PLK5: variants seen among roughly 807,000 people sequenced by gnomAD.
PLK5 encodes polo like kinase 5 (inactive), also known as inactive serine/threonine-protein kinase PLK5.
PLK5 carries 28 observed loss-of-function variants against 33.7 expected under a neutral mutation model. That is an observed-to-expected ratio of 0.83 (90% CI 0.62 to 1.14). PLK5 has a LOEUF of 1.14. Ranked by LOEUF, PLK5 falls within the 50% of genes most tolerant of loss-of-function variation. The pLI, the probability that PLK5 is intolerant of heterozygous loss-of-function variation, is 0.00. For synonymous variants in PLK5, 225 were observed against 202.2 expected (o/e 1.11, Z -0.96); for missense variants, 492 against 461.5 (o/e 1.07, Z -0.61).
chr19:1,535,370 G>A lies in PLK5; in HGVS notation c.*120G>A. 1 of 1,122,854 alleles carries A rather than the reference G, an allele frequency of 8.9e-7. No individual in the cohort carries two copies. Among genetic ancestry groups the A allele is most frequent in the Non-Finnish European group, 1.2e-6 (1 of 816,632 alleles). 69.6% of individuals were successfully genotyped at this position (1,122,854 alleles called of 1,614,324 possible). On this transcript the variant is annotated 3_prime_UTR_variant, in exon 14 of 14. Transcript: ENST00000454744. ...GGGAGGGCTGGGGGGCACACGGGAGGTGGGTTCTTGCCTTGTGGCATGACT... is the reference window on the plus strand; with the variant it reads ...GGGAGGGCTGGGGGGCACACGGGAGATGGGTTCTTGCCTTGTGGCATGACT...
chr19:1,529,366 G>A, intron 9 of PLK5, 40 bp from the exon 10 acceptor site: 2 of 1,500,996 alleles, frequency 1.3e-6, no homozygotes, highest in African/African-American at 1.4e-5. Flanking sequence ...CCCTGGGGCT[G>A]GGGCCGGGGC....
intron 11 of PLK5, among the ~76,000 whole-genome samples, chr19:1,531,290 TCCCAGCTA>T (rs1024380946): frequency 4.0e-5 from 6 of 151,390 alleles, no homozygotes; most frequent in African/African-American, 1.5e-4. Context: ...GTGCCTGTGA[TCCCAGCTA>T]CTCAGGAGGC....
intron 13 of PLK5, among the ~76,000 whole-genome samples, chr19:1,534,792 G>C (rs1264721044): frequency 7.3e-5 from 11 of 150,476 alleles, no homozygotes; most frequent in Non-Finnish European, 1.5e-4. Flanking sequence ...ACTCCAGCCT[G>C]GGTGACAGAG....
chr19:1,529,161 G>T (rs767326987), intron 9 of PLK5, 187 bp downstream of exon 9: 34 of 663,014 alleles, frequency 5.1e-5, no homozygotes, highest in Non-Finnish European at 7.6e-5. Flanking sequence ...TGCCCACCTG[G>T]GCTTTCCCAA....
chr19:1,526,244 C>T (rs1237804095), intron 3 of PLK5, among the ~76,000 whole-genome samples: 3 of 152,166 alleles, frequency 2.0e-5, no homozygotes, highest in Non-Finnish European at 4.4e-5. Flanking sequence ...CCGTGTTCAC[C>T]CTCAAGGTGG....
At chr19:1,528,215 AG>A (rs1205047210) in intron 7 of PLK5, 81 bp downstream of exon 7, 9 of 1,532,860 alleles carry the variant, frequency 5.9e-6, no homozygotes, top group African/African-American at 1.4e-5. Context: ...TGCTCAGCCG[AG>A]GGAGGCCCCG....
Position 1,526,728 on chromosome 19 carries a change from T to C in PLK5, c.-158T>C, listed in dbSNP as rs1361542733. The C allele has an allele frequency of 2.1e-5, 11 of 524,534 alleles. No individual in the cohort carries two copies. The highest frequency in any genetic ancestry group is 3.1e-5 in the Non-Finnish European group (9 of 290,124). The allele number at this position is 524,534 out of a possible 1,614,324, so 32.5% of individuals were successfully genotyped here. A position where few individuals can be genotyped will look rare whatever the true frequency, so the allele number is the denominator to read the frequency against. ...GGTAACTTCTTCCTTAACAAGAACA[T>C]GGAGGTGAAGATTGGAGACCTGGGA... On this transcript the variant is annotated 5_prime_UTR_variant, in exon 5 of 14. An upstream start codon of the reference 5' UTR is lost. Transcript: ENST00000454744.
At chr19:1,529,656 C>G (rs1913868664) in intron 10 of PLK5, 91 bp from the exon 11 acceptor site, 1 of 1,434,590 alleles carries the variant, frequency 7.0e-7, no homozygotes, top group Non-Finnish European at 9.5e-7. Flanking sequence ...ATGAGATGTT[C>G]CTGGATGGAG....
In PLK5 at chr19:1,527,747, A is replaced by G. The variant is rs1913781792; in HGVS notation, c.3-189A>G. 2.0e-5 allele frequency among the ~76,000 whole-genome samples: 3 copies of G among 148,314 alleles called. No homozygotes were observed. In the South Asian group the frequency reaches 6.3e-4, roughly 31 times the overall value. On this transcript the variant is annotated intron_variant, in intron 6 of 13. Coordinates refer to ENST00000454744, the MANE Select transcript of PLK5 (RefSeq NM_001243079.2). ...GGTGCCAGGTGCAGGCAGGGGATGG[A>G]CAGACGCTGGTGTCCACCAAGCAGC...
Position 1,534,431 on chromosome 19 carries a change from T to C in PLK5, c.825+390T>C, listed in dbSNP as rs185968283. On this transcript the variant is annotated intron_variant, in intron 13 of 13. Coordinates refer to ENST00000454744, the MANE Select transcript of PLK5 (RefSeq NM_001243079.2). The stretch of plus-strand genomic sequence containing the variant: ...CTGAGGCAGGAGAATCGCTTGAACC[T>C]GGCAGGCGGAGGTTGCAGTGAGCCG... Among the ~76,000 whole-genome samples the C allele has an allele frequency of 6.5e-4, 89 of 137,326 alleles. No individual in the cohort carries two copies. In the East Asian group the frequency reaches 0.018, roughly 28 times the overall value. The allele number at this position is 137,326 out of a possible 152,430, so 90.1% of individuals were successfully genotyped here.
chr19:1,534,088 G>T (rs757673558), intron 13 of PLK5, 47 bp downstream of exon 13: 2 of 1,439,446 alleles, frequency 1.4e-6, no homozygotes, highest in Admixed American at 2.0e-5. Context: ...GGCAGGGTGG[G>T]GTCTGGCCTG....
rs547281921 is a variant in PLK5, at chr19:1,524,138, G to T, written c.-652G>T. On this transcript the variant is annotated 5_prime_UTR_variant, in exon 1 of 14. Transcript: ENST00000454744. The surrounding 1 kb of genome is among the most constrained non-coding windows in gnomAD (Gnocchi z 4.5). ...GGCCCGGCTGCGCCAGAGTCCGCGC[G>T]ATGGAGCCCCGGCCGCGGCGGCGGC... 1.1e-3 allele frequency: 167 copies of T among 150,954 alleles called. No homozygotes were observed. Among genetic ancestry groups the T allele is most frequent in the African/African-American group, 3.7e-3 (152 of 41,418 alleles). The allele number at this position is 150,954 out of a possible 1,614,324, so 9.4% of individuals were successfully genotyped here.
chr19:1,532,741 C>T (rs988125058), intron 12 of PLK5, among the ~76,000 whole-genome samples: 22 of 151,864 alleles, frequency 1.4e-4, no homozygotes, highest in Non-Finnish European at 2.8e-4. Flanking sequence ...AGGCGGGTCT[C>T]GAACTCCTGA....
rs773689990 is a variant in PLK5 at position 1,529,823 on chromosome 19, G to T, written c.567G>T (p.Pro189=). Residue 189 remains proline, a splice_region_variant and synonymous_variant, in exon 11 of 14, where the codon CCG becomes CCT. Coordinates refer to ENST00000454744, the MANE Select transcript of PLK5 (RefSeq NM_001243079.2). ...AGCTGTGCCTGGATGTAGGCCCCCC[G>T]GGTAGGAGCCGGCCCAGCCCCCAGG... ...HLQLCLDVGP[P]ATQDPLGEQQ... 3 of 1,535,376 alleles carry T rather than the reference G, an allele frequency of 2.0e-6. No individual in the cohort carries two copies. Among genetic ancestry groups the T allele is most frequent in the Non-Finnish European group, 2.6e-6 (3 of 1,146,664 alleles).
intron 5 of PLK5, 34 bp from the exon 6 acceptor site, chr19:1,526,869 A>T: frequency 8.3e-7 from 1 of 1,201,348 alleles, no homozygotes; most frequent in South Asian, 1.3e-5. Flanking sequence ...CGGGGATCCC[A>T]GCCTTCCTGA....
In PLK5 at chr19:1,524,412, A is replaced by G. The variant is rs1913674320; in HGVS notation, c.-544+166A>G. 6.6e-6 allele frequency among the ~76,000 whole-genome samples: 1 copy of G among 152,042 alleles called. No individual in the cohort carries two copies. Among genetic ancestry groups the G allele is most frequent in the Non-Finnish European group, 1.5e-5 (1 of 67,960 alleles). Reference sequence around the variant, plus strand: ...CGGGGCCTCCCGTGCGGGGTTTCGCATGGCGGGAACCGTGTTGAGCGCGCT... The same window carrying G: ...CGGGGCCTCCCGTGCGGGGTTTCGCGTGGCGGGAACCGTGTTGAGCGCGCT... On this transcript the variant is annotated intron_variant, in intron 1 of 13. Coordinates refer to ENST00000454744, the MANE Select transcript of PLK5 (RefSeq NM_001243079.2). The surrounding 1 kb of genome is among the most constrained non-coding windows in gnomAD (Gnocchi z 4.5).
At chr19:1,528,189 G>A in intron 7 of PLK5, 55 bp downstream of exon 7, 2 of 1,489,392 alleles carry the variant, frequency 1.3e-6, no homozygotes, top group Non-Finnish European at 1.8e-6. Flanking sequence ...GGCAGGTGAT[G>A]AGCCAGAGCC....
At chr19:1,534,112 G>A (rs1020384373) in intron 13 of PLK5, 71 bp downstream of exon 13, 7 of 1,248,322 alleles carry the variant, frequency 5.6e-6, no homozygotes, top group African/African-American at 3.0e-5. Flanking sequence ...GGGCTGTTAC[G>A]GAGCAAGCTT....
rs1466290891 is a variant in PLK5, at chr19:1,527,948, G to A, written c.15G>A (p.Leu5=). 2.6e-6 allele frequency: 4 copies of A among 1,534,488 alleles called. No individual in the cohort carries two copies. In the Admixed American group the frequency reaches 7.9e-5, roughly 30 times the overall value. The change falls in exon 7 of 14, where the codon CTG becomes CTA. Residue 5 remains leucine (L), a synonymous_variant. Transcript: ENST00000454744. MYTV[L]TGTPPFMASP... ...CCACCTGGCCCAGGTACACGGTGCT[G>A]ACTGGCACCCCACCCTTCATGGCCT...
Sources: gnomAD v4.1 joint callset for allele counts (sites outside exome capture counted in the v4.1 genomes callset) on GRCh38, gnomAD v4.1.1 for gene constraint, Gnocchi (gnomAD v3.1) non-coding constraint, MANE v1.5 for transcripts, NCBI Gene and HGNC (gene_info 2026-07-23, HGNC 2026-07-21) for gene names.